The following RERG variants were observed in gnomAD, a reference collection of about 807,000 sequenced individuals.
RERG encodes ras-related and estrogen-regulated growth inhibitor.
RERG carries 25 observed loss-of-function variants against 23.2 expected under a neutral mutation model. The ratio of observed to expected loss-of-function variants is 1.08; its 90% CI spans 0.79 to 1.50. RERG has a LOEUF of 1.50. Among genes scored for constraint, RERG ranks in the 40% most tolerant of loss-of-function variants. The pLI is 0.00. For synonymous variants in RERG, 81 were observed against 89.1 expected, an observed-to-expected ratio of 0.91 and a Z score of 0.51; for missense variants, 253 against 250.1, an observed-to-expected ratio of 1.01 and a Z score of -0.08.
intron 2 of RERG, among the ~76,000 whole-genome samples, chr12:15,212,954 A>C (rs530300029): frequency 1.3e-5 from 2 of 152,354 alleles, no homozygotes; most frequent in South Asian, 4.1e-4. Flanking sequence ...ATAGGATGAA[A>C]AATCACTTCT....
intron 2 of RERG, among the ~76,000 whole-genome samples, chr12:15,211,767 T>C (rs1273757388): frequency 6.6e-6 from 1 of 152,154 alleles, no homozygotes; most frequent in Admixed American, 6.5e-5. Context: ...CATATATGTA[T>C]CAAAACATCA....
At chr12:15,124,007 C>T (rs2136090598) in intron 2 of RERG, among the ~76,000 whole-genome samples, 1 of 152,108 alleles carries the variant, frequency 6.6e-6, no homozygotes, top group East Asian at 1.9e-4. Flanking sequence ...ACCTACTTGG[C>T]TAATTCTTCA....
intron 4 of RERG, among the ~76,000 whole-genome samples, chr12:15,110,509 C>T (rs1218491445): frequency 2.6e-5 from 3 of 114,090 alleles, no homozygotes; most frequent in East Asian, 3.1e-4. Flanking sequence ...GACGGAGTCT[C>T]ACTCTGTCGC....
intron 2 of RERG, among the ~76,000 whole-genome samples, chr12:15,140,166 A>T (rs1864212966): frequency 6.6e-6 from 1 of 152,182 alleles, no homozygotes; most frequent in South Asian, 2.1e-4. Context: ...TAGGAGGTGG[A>T]GCCTTTCGGA....
At chr12:15,163,656 G>A (rs1864645616) in intron 2 of RERG, among the ~76,000 whole-genome samples, 2 of 152,168 alleles carry the variant, frequency 1.3e-5, no homozygotes, top group African/African-American at 4.8e-5. Flanking sequence ...AACCTGAGAA[G>A]CCATTAGGAG....
At chr12:15,177,839 GT>G (rs11304470) in intron 2 of RERG, among the ~76,000 whole-genome samples, 12,523 of 112,920 alleles carry the variant, frequency 0.11, 565 homozygotes, top group East Asian at 0.27. Context: ...CCCTCTGTTT[GT>G]TTTTTTTTTT....
At chr12:15,211,918 A>T (rs2136148032) in intron 2 of RERG, among the ~76,000 whole-genome samples, 1 of 152,252 alleles carries the variant, frequency 6.6e-6, no homozygotes, top group East Asian at 1.9e-4. Flanking sequence ...AAGGAGGTAG[A>T]AACTGAGATA....
At chr12:15,203,472 A>G (rs1026281000) in intron 2 of RERG, among the ~76,000 whole-genome samples, 11 of 151,724 alleles carry the variant, frequency 7.3e-5, no homozygotes, top group Admixed American at 5.9e-4. Context: ...ATTATACTCA[A>G]TGTTGAAAAT....
chr12:15,217,197 T>C (rs1865451054), intron 2 of RERG: 1 of 456,924 alleles, frequency 2.2e-6, no homozygotes, highest in Non-Finnish European at 3.9e-6. Context: ...CTCTGATATA[T>C]CCTTTATCTT....
At chr12:15,198,133 C>T (rs1865169379) in intron 2 of RERG, among the ~76,000 whole-genome samples, 1 of 152,110 alleles carries the variant, frequency 6.6e-6, no homozygotes, top group Non-Finnish European at 1.5e-5. Context: ...TTCCTTTTCT[C>T]TCCATTTTCC....
chr12:15,139,410 GA>G (rs1353351006), intron 2 of RERG, among the ~76,000 whole-genome samples: 9 of 152,228 alleles, frequency 5.9e-5, no homozygotes, highest in African/African-American at 2.2e-4. Context: ...GTTAAGTTGG[GA>G]AGAACAGGCA....
chr12:15,109,510 G>A lies in RERG; in HGVS notation c.200C>T (p.Thr67Ile). ...EILDTAGQED[T>I]IQREGHMRWG... ...TCGCATGTGCCCCTCCCTCTGAATG[G>A]TATCTTCCTGTTGGCAAAGAAAAAT... is the stretch of plus-strand genomic sequence containing the variant. Residue 67 changes from threonine to isoleucine, a missense_variant, in exon 5 of 5, where the codon ACC (threonine) becomes ATC (isoleucine). Thr to Ile is a moderately conservative substitution (Grantham distance 89). Coordinates refer to ENST00000256953, the MANE Select transcript of RERG (RefSeq NM_032918.3). The A allele has an allele frequency of 6.3e-7, 1 of 1,581,076 alleles. No homozygotes were observed.
intron 2 of RERG, chr12:15,155,290 A>C (rs1357373015): frequency 6.6e-6 from 1 of 152,204 alleles, no homozygotes; most frequent in Non-Finnish European, 1.5e-5. Context: ...AAAATAAAGG[A>C]TTAAAAAAAT....
At chr12:15,149,731 T>C (rs1185704483) in intron 2 of RERG, among the ~76,000 whole-genome samples, 4 of 152,224 alleles carry the variant, frequency 2.6e-5, no homozygotes, top group East Asian at 3.8e-4. Flanking sequence ...TTGTACTAAA[T>C]AGCCAACAGC....
chr12:15,213,969 T>C (rs1228155662), intron 2 of RERG, among the ~76,000 whole-genome samples: 1 of 151,132 alleles, frequency 6.6e-6, no homozygotes, highest in Non-Finnish European at 1.5e-5. Flanking sequence ...AGATTTTAGG[T>C]TCAAGAAAGA....
At position 15,108,991 on chromosome 12, in the gene RERG, G is replaced by T. The variant is rs375095884; in HGVS notation, c.*119C>A. 62 of 1,078,780 alleles carry T rather than the reference G, an allele frequency of 5.7e-5. 1 individual carries two copies. The highest frequency in any genetic ancestry group is 2.7e-4 in the East Asian group (11 of 41,042). 66.8% of individuals were successfully genotyped at this position (1,078,780 alleles called of 1,614,324 possible). A position where few individuals can be genotyped will look rare whatever the true frequency, so the allele number is the denominator to read the frequency against. ...CAACCTATTAGAGGCCAGAAACAAT[G>T]GGAAGCCCAGACATTTCTCAGAATC... On this transcript the variant is annotated 3_prime_UTR_variant, in exon 5 of 5. Coordinates refer to ENST00000256953, the MANE Select transcript of RERG (RefSeq NM_032918.3).
At chr12:15,167,962 A>C (rs1395004264) in intron 2 of RERG, among the ~76,000 whole-genome samples, 1 of 152,172 alleles carries the variant, frequency 6.6e-6, no homozygotes, top group Non-Finnish European at 1.5e-5. Flanking sequence ...GAGAGAAGGT[A>C]ATGTCAACTG....
chr12:15,141,428 C>T (rs774709337), intron 2 of RERG, among the ~76,000 whole-genome samples: 5 of 152,142 alleles, frequency 3.3e-5, no homozygotes, highest in Non-Finnish European at 7.4e-5. Flanking sequence ...CCATGAAACA[C>T]ATTCTTCCTT....
At chr12:15,126,215 C>A (rs967595570) in intron 2 of RERG, among the ~76,000 whole-genome samples, 6 of 146,696 alleles carry the variant, frequency 4.1e-5, no homozygotes, top group African/African-American at 1.5e-4. Flanking sequence ...AATGCATCGT[C>A]TAGTCTCAAC....
Sources: gnomAD v4.1 joint callset for allele counts (sites outside exome capture counted in the v4.1 genomes callset) on GRCh38, gnomAD v4.1.1 for gene constraint, MANE v1.5 for transcripts, NCBI Gene and HGNC (gene_info 2026-07-23, HGNC 2026-07-21) for gene names.